The following NMT1 variants were observed in gnomAD, a reference collection of about 807,000 sequenced individuals.
NMT1 encodes the protein glycylpeptide N-tetradecanoyltransferase 1.
A neutral mutation model predicts 63.4 loss-of-function variants in NMT1; 12 were observed. The observed-to-expected ratio is 0.19, with a 90% CI of 0.12 to 0.31. NMT1 has a LOEUF of 0.31. Ranked by LOEUF, NMT1 falls within the 10% of genes least tolerant of loss-of-function variation. The pLI is 1.00. For synonymous variants in NMT1, 228 were observed against 234.3 expected, an observed-to-expected ratio of 0.97 and a Z score of 0.25; for missense variants, 432 against 634.6, an observed-to-expected ratio of 0.68 and a Z score of 3.43.
intron 3 of NMT1, 77 bp from the exon 4 acceptor site, chr17:45,093,608 T>C (rs1023196565): frequency 9.3e-6 from 11 of 1,181,170 alleles, no homozygotes; most frequent in Middle Eastern, 3.9e-4. Context: ...GAATTTGCTC[T>C]GGTTGAGTTT....
At chr17:45,072,513 C>T (rs143982238) in intron 1 of NMT1, among the ~76,000 whole-genome samples, 343 of 151,968 alleles carry the variant, frequency 2.3e-3, no homozygotes, top group Middle Eastern at 0.01. Context: ...GATCCACCCA[C>T]CTTGGTCTCC....
chr17:45,077,822 T>TAAG (rs748482884), intron 1 of NMT1, among the ~76,000 whole-genome samples: 1 of 152,212 alleles, frequency 6.6e-6, no homozygotes, highest in Non-Finnish European at 1.5e-5. Flanking sequence ...ATTGAGTTAC[T>TAAG]AAGAAGAAGA....
rs986168026 is a variant in NMT1 at position 45,104,319 on chromosome 17, C to A, written c.1332+443C>A. 7 of 1,170,546 alleles carry A rather than the reference C, an allele frequency of 6.0e-6. No individual in the cohort carries two copies. In the African/African-American group the frequency reaches 1.1e-4, roughly 19 times the overall value. 72.5% of individuals were successfully genotyped at this position (1,170,546 alleles called of 1,614,324 possible). ...TCTGGTAACCTGTGCCCAGCCCAGC[C>A]CAGCCTGCTGTAGGCAATCTGGTCC... is the stretch of plus-strand genomic sequence containing the variant. On this transcript the variant is annotated intron_variant, in intron 10 of 11. Coordinates refer to ENST00000258960, the MANE Select transcript of NMT1 (RefSeq NM_021079.5). The surrounding 1 kb of genome is among the most constrained non-coding windows in gnomAD (Gnocchi z 4.2).
At chr17:45,100,970 A>T (rs934013835) in intron 8 of NMT1, among the ~76,000 whole-genome samples, 14 of 149,204 alleles carry the variant, frequency 9.4e-5, no homozygotes, top group African/African-American at 3.4e-4. Flanking sequence ...TCACGAGGTC[A>T]GGAGATCGAG....
chr17:45,105,569 CTT>C lies in NMT1; in HGVS notation c.1471-48_1471-47del, dbSNP rs759536889. 1 of 1,610,080 alleles carries C rather than the reference CTT, an allele frequency of 6.2e-7. No homozygotes were observed. The highest frequency in any genetic ancestry group is 1.1e-5 in the South Asian group (1 of 90,766). Reference sequence around the variant, plus strand: ...TCAGGGATAGGGGGTGTGGGAGAGTCTTTGGGCCACTGTCAACTCAGCTCTGC... The same window carrying C: ...TCAGGGATAGGGGGTGTGGGAGAGTCTGGGCCACTGTCAACTCAGCTCTGC... On this transcript the variant is annotated intron_variant, in intron 11 of 11. Transcript: ENST00000258960. This position sits in a 1 kb window ranked among gnomAD's most constrained non-coding sequence, Gnocchi z 4.2.
At chr17:45,078,483 C>T (rs72832829) in intron 1 of NMT1, among the ~76,000 whole-genome samples, 4,889 of 151,520 alleles carry the variant, frequency 0.032, 97 homozygotes, top group Middle Eastern at 0.061. Context: ...TCACTTTCTC[C>T]CTGTATATAT....
intron 1 of NMT1, among the ~76,000 whole-genome samples, chr17:45,074,440 C>T (rs1219501385): frequency 1.3e-5 from 2 of 152,060 alleles, no homozygotes; most frequent in African/African-American, 2.4e-5. Flanking sequence ...AGGATGGTCG[C>T]GATCTCCTGA....
chr17:45,095,047 A>G (rs2054115354), intron 4 of NMT1, among the ~76,000 whole-genome samples: 1 of 144,422 alleles, frequency 6.9e-6, no homozygotes, highest in African/African-American at 2.6e-5. Context: ...TCCTGACCTC[A>G]TGATCCACCC....
At chr17:45,100,292 C>T (rs926942134) in intron 8 of NMT1, among the ~76,000 whole-genome samples, 3 of 151,982 alleles carry the variant, frequency 2.0e-5, no homozygotes, top group Non-Finnish European at 2.9e-5. Context: ...TGCTGCCAGG[C>T]GCAGTGGCTC....
At chr17:45,100,338 GGGCA>G (rs2054153436) in intron 8 of NMT1, among the ~76,000 whole-genome samples, 1 of 147,638 alleles carries the variant, frequency 6.8e-6, no homozygotes, top group East Asian at 2.1e-4. Context: ...AGGCTGAGGT[GGGCA>G]GATCACGAGA....
chr17:45,071,291 A>G (rs1217932846), intron 1 of NMT1, among the ~76,000 whole-genome samples: 1 of 152,174 alleles, frequency 6.6e-6, no homozygotes, highest in Non-Finnish European at 1.5e-5. Context: ...TCGTAGTGCC[A>G]TGGTGCAGTC....
At position 45,106,276 on chromosome 17, in the gene NMT1, G is replaced by A. The variant is rs2054201966; in HGVS notation, c.*637G>A. On this transcript the variant is annotated 3_prime_UTR_variant, in exon 12 of 12. Transcript: ENST00000258960. ...GGGATAGCACGTGGAGCTCTTGGCTGGGGCTGACCCTGGGCAGGGACTTTC... is the reference window on the plus strand; with the variant it reads ...GGGATAGCACGTGGAGCTCTTGGCTAGGGCTGACCCTGGGCAGGGACTTTC... 1 of 152,650 alleles carries A rather than the reference G, an allele frequency of 6.6e-6. No homozygotes were observed. The highest frequency in any genetic ancestry group is 2.4e-5 in the African/African-American group (1 of 41,448). 9.5% of individuals were successfully genotyped at this position (152,650 alleles called of 1,614,324 possible). A position where few individuals can be genotyped will look rare whatever the true frequency, so the allele number is the denominator to read the frequency against.
intron 2 of NMT1, among the ~76,000 whole-genome samples, 174 bp from the exon 3 acceptor site, chr17:45,086,334 A>C (rs992337949): frequency 3.3e-5 from 5 of 152,030 alleles, no homozygotes; most frequent in African/African-American, 4.8e-5. Context: ...CATGTTGGTC[A>C]GGTGGGTCTC....
chr17:45,079,873 G>A (rs1370597372), intron 1 of NMT1, among the ~76,000 whole-genome samples: 3 of 151,842 alleles, frequency 2.0e-5, no homozygotes, highest in Non-Finnish European at 4.4e-5. Context: ...CTAATTTTTT[G>A]TATTTTTAGT....
At chr17:45,079,963 A>G (rs1335643604) in intron 1 of NMT1, among the ~76,000 whole-genome samples, 2 of 151,884 alleles carry the variant, frequency 1.3e-5, no homozygotes, top group African/African-American at 4.8e-5. Context: ...CTCCCAAAAT[A>G]CTGGGATTAC....
At chr17:45,065,024 G>A (rs771970531) in intron 1 of NMT1, among the ~76,000 whole-genome samples, 9 of 151,904 alleles carry the variant, frequency 5.9e-5, no homozygotes, top group South Asian at 2.1e-4. Flanking sequence ...AGCTTTTATC[G>A]TAACAATAGT....
intron 6 of NMT1, among the ~76,000 whole-genome samples, chr17:45,097,876 T>C (rs2054136579): frequency 6.6e-6 from 1 of 152,152 alleles, no homozygotes; most frequent in African/African-American, 2.4e-5. Context: ...GCAGCAGAAA[T>C]GGGCCAGAGC....
At chr17:45,097,981 C>A (rs938176967) in intron 6 of NMT1, among the ~76,000 whole-genome samples, 18 of 152,170 alleles carry the variant, frequency 1.2e-4, no homozygotes, top group Non-Finnish European at 2.9e-5. Context: ...CCACAGTCTT[C>A]AGGGCTTATT....
At chr17:45,084,439 A>G (rs1001425461) in intron 2 of NMT1, among the ~76,000 whole-genome samples, 14 of 148,348 alleles carry the variant, frequency 9.4e-5, no homozygotes, top group Non-Finnish European at 2.1e-4. Context: ...GGTTCACGCC[A>G]TTCTCCTGCC....
Sources: allele counts gnomAD v4.1 joint callset (sites outside exome capture counted in the v4.1 genomes callset), GRCh38; gene constraint gnomAD v4.1.1; non-coding constraint Gnocchi (gnomAD v3.1); transcripts MANE v1.5; gene names NCBI Gene and HGNC (gene_info 2026-07-23, HGNC 2026-07-21).